Variants in NTM observed in about 807,000 individuals in gnomAD.
The protein encoded by NTM is neurotrimin.
A neutral mutation model predicts 42.1 loss-of-function variants in NTM; 13 were observed. That is an observed-to-expected ratio of 0.31 (90% CI 0.20 to 0.49). NTM has a LOEUF of 0.49. NTM is among the 20% of genes least tolerant of loss of function. The pLI, the probability that NTM is intolerant of heterozygous loss-of-function variation, is 0.99. For missense variants in NTM, 373 were observed against 452.8 expected (o/e 0.82, Z 1.60); for synonymous variants, 187 against 179.2 (o/e 1.04, Z -0.35).
At chr11:131,892,024 T>C (rs1412391197) in intron 1 of NTM, among the ~76,000 whole-genome samples, 2 of 152,334 alleles carry the variant, frequency 1.3e-5, no homozygotes, top group South Asian at 2.1e-4. Flanking sequence ...TACAGCCCAG[T>C]AAAATACACT....
At chr11:132,142,995 G>A (rs2069520728) in intron 2 of NTM, among the ~76,000 whole-genome samples, 2 of 152,170 alleles carry the variant, frequency 1.3e-5, no homozygotes, top group Non-Finnish European at 1.5e-5. Context: ...GCAGTTTAGT[G>A]TTTGTCAGTC....
chr11:131,811,324 A>G (rs534271730), intron 1 of NTM, among the ~76,000 whole-genome samples: 1 of 152,288 alleles, frequency 6.6e-6, no homozygotes, highest in Admixed American at 6.5e-5. Flanking sequence ...GAAATAGCAA[A>G]GGCATAACCC....
intron 1 of NTM, among the ~76,000 whole-genome samples, chr11:131,778,471 G>T (rs894715014): frequency 2.6e-5 from 4 of 152,154 alleles, no homozygotes; most frequent in African/African-American, 9.7e-5. Context: ...AAAGCCTGAG[G>T]ATTTTTTGCT....
chr11:131,680,208 C>A lies in NTM; in HGVS notation c.83-231356C>A, dbSNP rs1283194931. Among the ~76,000 whole-genome samples the A allele has an allele frequency of 2.0e-5, 3 of 152,106 alleles. No homozygotes were observed. The East Asian group carries it at 5.8e-4, about 29-fold the overall frequency. On this transcript the variant is annotated intron_variant, in intron 1 of 8. Coordinates refer to ENST00000683400, the MANE Select transcript of NTM (RefSeq NM_001352005.2). ...CTTGCCCTCCCTCACCAAGGGCTGG[C>A]CTGCTCATGAAATTGACATTTTGGA...
intron 1 of NTM, among the ~76,000 whole-genome samples, chr11:131,442,570 C>T (rs1194175609): frequency 6.6e-6 from 1 of 152,096 alleles, no homozygotes; most frequent in Non-Finnish European, 1.5e-5. Flanking sequence ...TCATCCCTTT[C>T]CCATCTTCCC....
chr11:132,027,848 C>T (rs1312658394), intron 2 of NTM, among the ~76,000 whole-genome samples: 4 of 152,194 alleles, frequency 2.6e-5, no homozygotes, highest in Non-Finnish European at 5.9e-5. Flanking sequence ...CTCCCATCTA[C>T]GTCTAGTAAT....
At chr11:131,891,797 T>C (rs1565686952) in intron 1 of NTM, among the ~76,000 whole-genome samples, 1 of 151,694 alleles carries the variant, frequency 6.6e-6, no homozygotes, top group African/African-American at 2.4e-5. Flanking sequence ...ATTTTGGACT[T>C]TCTTTCTCTC....
chr11:131,777,205 C>A, intron 1 of NTM: 1 of 259,008 alleles, frequency 3.9e-6, no homozygotes, highest in Non-Finnish European at 6.0e-6. Flanking sequence ...CAAGCCTGAG[C>A]TAGACACCTT....
intron 7 of NTM, among the ~76,000 whole-genome samples, chr11:132,318,215 G>A (rs945322829): frequency 6.6e-6 from 1 of 152,156 alleles, no homozygotes; most frequent in Admixed American, 6.5e-5. Flanking sequence ...GTCCAGGTTA[G>A]GGCCTGACGT....
At chr11:131,399,825 C>A (rs918019063) in intron 1 of NTM, among the ~76,000 whole-genome samples, 2 of 152,132 alleles carry the variant, frequency 1.3e-5, no homozygotes, top group African/African-American at 4.8e-5. Flanking sequence ...GCTCTTCCTC[C>A]AGCATAGAAA....
At chr11:131,978,812 C>T (rs2134856009) in intron 2 of NTM, among the ~76,000 whole-genome samples, 1 of 152,306 alleles carries the variant, frequency 6.6e-6, no homozygotes, top group Non-Finnish European at 1.5e-5. Flanking sequence ...AGTAAAACTT[C>T]AGATTTGAAA....
intron 3 of NTM, among the ~76,000 whole-genome samples, chr11:132,173,024 A>G (rs1471477518): frequency 1.3e-5 from 2 of 152,224 alleles, no homozygotes; most frequent in East Asian, 3.9e-4. Context: ...ATGTCTAAAC[A>G]TCACATGGAT....
chr11:131,445,138 A>G (rs1296505301), intron 1 of NTM, among the ~76,000 whole-genome samples: 1 of 152,204 alleles, frequency 6.6e-6, no homozygotes, highest in Non-Finnish European at 1.5e-5. Flanking sequence ...AACATTTTGA[A>G]TTAGTGATAA....
intron 3 of NTM, among the ~76,000 whole-genome samples, chr11:132,206,925 CT>C (rs2082069913): frequency 6.6e-6 from 1 of 152,266 alleles, no homozygotes; most frequent in Middle Eastern, 3.4e-3. Flanking sequence ...CATATTTTGC[CT>C]TGTTATTCAA....
chr11:131,752,594 G>A (rs1312004136), intron 1 of NTM, among the ~76,000 whole-genome samples: 3 of 152,110 alleles, frequency 2.0e-5, no homozygotes, highest in Non-Finnish European at 2.9e-5. Flanking sequence ...GCACATGTAT[G>A]TTTATTGCAG....
intron 1 of NTM, among the ~76,000 whole-genome samples, chr11:131,503,503 G>A (rs2047086197): frequency 2.0e-5 from 3 of 151,524 alleles, no homozygotes; most frequent in African/African-American, 7.3e-5. Context: ...GTCGTGTCAA[G>A]TCCACTTCAT....
At chr11:131,407,590 G>A (rs1288823611) in intron 1 of NTM, among the ~76,000 whole-genome samples, 1 of 152,118 alleles carries the variant, frequency 6.6e-6, no homozygotes, top group African/African-American at 2.4e-5. Flanking sequence ...CTGAAAGTGG[G>A]GACAAAAGGC....
At chr11:131,391,000 C>T (rs59783478) in intron 1 of NTM, among the ~76,000 whole-genome samples, 4,564 of 152,200 alleles carry the variant, frequency 0.03, 220 homozygotes, top group African/African-American at 0.1. Context: ...GGTCCTGGAG[C>T]AATTCTGTGC....
At chr11:131,616,451 T>C (rs2061945999) in intron 1 of NTM, among the ~76,000 whole-genome samples, 1 of 152,048 alleles carries the variant, frequency 6.6e-6, no homozygotes, top group South Asian at 2.1e-4. Flanking sequence ...GAGGTGAAAA[T>C]TGCCACTGCT....
Sources: gnomAD v4.1 joint callset for allele counts (sites outside exome capture counted in the v4.1 genomes callset) on GRCh38, gnomAD v4.1.1 for gene constraint, MANE v1.5 for transcripts, NCBI Gene and HGNC (gene_info 2026-07-23, HGNC 2026-07-21) for gene names.